MACROD2: variants seen among roughly 807,000 people sequenced by gnomAD.
MACROD2 encodes mono-ADP ribosylhydrolase 2.
A neutral mutation model predicts 70.4 loss-of-function variants in MACROD2; 36 were observed. The observed-to-expected ratio is 0.51, with a 90% CI of 0.39 to 0.68. The LOEUF (loss-of-function observed/expected upper bound fraction) is 0.68, where lower values mean the gene tolerates loss of function less well. Ranked by LOEUF, MACROD2 falls within the 30% of genes least tolerant of loss-of-function variation. MACROD2 has a pLI of 0.00. For missense variants in MACROD2, 496 were observed against 538.4 expected (o/e 0.92, Z 0.78); for synonymous variants, 172 against 178.8 (o/e 0.96, Z 0.30).
intron 3 of MACROD2, among the ~76,000 whole-genome samples, chr20:14,293,610 C>A (rs886790152): frequency 6.6e-6 from 1 of 151,754 alleles, no homozygotes; most frequent in East Asian, 1.9e-4. Context: ...GAGAGGTGAG[C>A]AGGGACTGCA....
rs145377403 is a variant in MACROD2, at chr20:14,876,746, C to G, written c.418+191787C>G. On this transcript the variant is annotated intron_variant, in intron 5 of 17. Transcript: ENST00000684519. ...AATCCTTTCTCTTAATGGTTTTTGT[C>G]AACTTTGTTGTATGTCAAATGGTTG... Among the ~76,000 whole-genome samples, 1,349 of 152,136 alleles carry G rather than the reference C, an allele frequency of 8.9e-3. 22 individuals are homozygous for G. Among genetic ancestry groups the G allele is most frequent in the African/African-American group, 0.031 (1,282 of 41,518 alleles).
chr20:15,048,180 G>A (rs1237040534), intron 5 of MACROD2, among the ~76,000 whole-genome samples: 1 of 151,850 alleles, frequency 6.6e-6, no homozygotes, highest in Non-Finnish European at 1.5e-5. Context: ...GGAGACTGAA[G>A]CATGAGAATT....
At position 14,702,677 on chromosome 20, in the gene MACROD2, ACATATATGTG is replaced by A. The variant is rs1303939562; in HGVS notation, c.418+17719_418+17728del. On this transcript the variant is annotated intron_variant, in intron 5 of 17. Transcript: ENST00000684519. ...CATATATATGTGTATATATATATACACATATATGTGTATATATATGTATATATATGTGTGT... is the reference window on the plus strand; with the variant it reads ...CATATATATGTGTATATATATATACATATATATATGTATATATATGTGTGT... 1.8e-3 allele frequency among the ~76,000 whole-genome samples: 139 copies of A among 79,358 alleles called. 2 individuals carry two copies. In the South Asian group the frequency reaches 0.022, roughly 13 times the overall value. 52.1% of individuals were successfully genotyped at this position (79,358 alleles called of 152,430 possible).
At chr20:15,068,448 T>TAGAA (rs769660887) in intron 5 of MACROD2, among the ~76,000 whole-genome samples, 2 of 152,174 alleles carry the variant, frequency 1.3e-5, no homozygotes, top group Non-Finnish European at 2.9e-5. Context: ...AAGTCTCATA[T>TAGAA]AGAAATGTGA....
Position 15,766,445 on chromosome 20 carries a change from A to G in MACROD2, c.646-96300A>G, listed in dbSNP as rs181065856. On this transcript the variant is annotated intron_variant, in intron 8 of 17. Transcript: ENST00000684519. ...CACTCACAATTGTCAAATTTTTAAA[A>G]CTCAAGTAAACTTTTTTTCCTTCTT... Among the ~76,000 whole-genome samples, 149 of 152,062 alleles carry G rather than the reference A, an allele frequency of 9.8e-4. 1 individual carries two copies. The highest frequency in any genetic ancestry group is 3.5e-3 in the African/African-American group (145 of 41,356).
chr20:14,579,690 G>T (rs1980878981), intron 4 of MACROD2, among the ~76,000 whole-genome samples: 1 of 152,022 alleles, frequency 6.6e-6, no homozygotes, highest in Non-Finnish European at 1.5e-5. Flanking sequence ...AAACTTGAAG[G>T]AAAAGCCCAT....
intron 2 of MACROD2, among the ~76,000 whole-genome samples, chr20:14,013,215 A>G (rs553587831): frequency 1.3e-5 from 2 of 151,624 alleles, no homozygotes; most frequent in East Asian, 1.9e-4. Flanking sequence ...GAAAGAATCA[A>G]TGTATAAGTG....
At chr20:16,004,386 G>T (rs538244629) in intron 15 of MACROD2, among the ~76,000 whole-genome samples, 1 of 152,134 alleles carries the variant, frequency 6.6e-6, no homozygotes, top group Admixed American at 6.5e-5. Flanking sequence ...CCTGTGGTAC[G>T]CAAAATGCAT....
chr20:15,305,547 C>T (rs1225043224), intron 6 of MACROD2, among the ~76,000 whole-genome samples: 1 of 152,090 alleles, frequency 6.6e-6, no homozygotes, highest in Non-Finnish European at 1.5e-5. Context: ...GTTACTGTGA[C>T]AGCCTGACAT....
chr20:15,890,582 G>T (rs58565072), intron 10 of MACROD2, among the ~76,000 whole-genome samples: 9,446 of 152,156 alleles, frequency 0.062, 435 homozygotes, highest in East Asian at 0.15. Context: ...GAAGTTTGGG[G>T]GAGTTGCTAA....
chr20:15,588,864 G>A (rs1037565501), intron 8 of MACROD2, among the ~76,000 whole-genome samples: 3 of 152,098 alleles, frequency 2.0e-5, no homozygotes, highest in African/African-American at 7.2e-5. Context: ...ACATTTTTGT[G>A]TCTTCTTCTG....
At chr20:15,465,238 T>C (rs2046869348) in intron 7 of MACROD2, among the ~76,000 whole-genome samples, 1 of 152,252 alleles carries the variant, frequency 6.6e-6, no homozygotes, top group Non-Finnish European at 1.5e-5. Context: ...ATATTTAAAG[T>C]ATAAATGCTA....
intron 6 of MACROD2, chr20:15,280,813 C>T (rs1018329241): frequency 6.6e-6 from 1 of 152,230 alleles, no homozygotes; most frequent in African/African-American, 2.4e-5. Flanking sequence ...TCAGGGCAGA[C>T]CTTGCTTAGC....
At chr20:16,001,314 T>C (rs2066705604) in intron 15 of MACROD2, among the ~76,000 whole-genome samples, 4 of 152,242 alleles carry the variant, frequency 2.6e-5, no homozygotes, top group Non-Finnish European at 5.9e-5. Context: ...ATTAGGGAAC[T>C]TGCTGTTTGA....
At position 15,456,081 on chromosome 20, in the gene MACROD2, A is replaced by C. The variant is rs567526693; in HGVS notation, c.571+24646A>C. Among the ~76,000 whole-genome samples, 21 of 152,248 alleles carry C rather than the reference A, an allele frequency of 1.4e-4. No homozygotes were observed. In the South Asian group the frequency reaches 3.9e-3, roughly 29 times the overall value. ...TAAGGAACTCTGTGTGTTAATGATA[A>C]TTGTGGTATCTTGACAGTAATTGCT... On this transcript the variant is annotated intron_variant, in intron 7 of 17. Transcript: ENST00000684519.
chr20:15,229,032 G>A (rs1225062970), intron 5 of MACROD2, among the ~76,000 whole-genome samples: 1 of 152,148 alleles, frequency 6.6e-6, no homozygotes, highest in Non-Finnish European at 1.5e-5. Flanking sequence ...TAATAATTCA[G>A]TTCACCGATA....
At chr20:14,972,485 CTAG>C (rs1660748778) in intron 5 of MACROD2, among the ~76,000 whole-genome samples, 1 of 152,116 alleles carries the variant, frequency 6.6e-6, no homozygotes, top group Non-Finnish European at 1.5e-5. Context: ...ACAACACTTT[CTAG>C]TATATTTAGC....
intron 3 of MACROD2, among the ~76,000 whole-genome samples, chr20:14,374,874 G>A (rs2083357746): frequency 6.6e-6 from 1 of 152,046 alleles, no homozygotes; most frequent in South Asian, 2.1e-4. Context: ...TGTGTGAATG[G>A]CACATCTCTT....
At chr20:15,326,418 A>G (rs1301904271) in intron 6 of MACROD2, among the ~76,000 whole-genome samples, 2 of 152,122 alleles carry the variant, frequency 1.3e-5, no homozygotes, top group African/African-American at 4.8e-5. Flanking sequence ...AATATAAAAG[A>G]TGTTTTATCC....
Sources: allele counts gnomAD v4.1 joint callset (sites outside exome capture counted in the v4.1 genomes callset), GRCh38; gene constraint gnomAD v4.1.1; transcripts MANE v1.5; gene names NCBI Gene and HGNC (gene_info 2026-07-23, HGNC 2026-07-21).